Variants in DNAJC3 observed in about 807,000 individuals in gnomAD.
The protein encoded by DNAJC3 is dnaJ homolog subfamily C member 3.
Under a neutral mutation model 68.6 loss-of-function variants are expected in DNAJC3, and 38 were observed. The ratio of observed to expected loss-of-function variants is 0.55; its 90% confidence interval spans 0.43 to 0.73. The LOEUF is 0.73. Ranked by LOEUF, DNAJC3 falls within the 30% of genes least tolerant of loss-of-function variation. The pLI is 0.00. For synonymous variants in DNAJC3, 203 were observed against 204.0 expected (o/e 1.00, Z 0.04); for missense variants, 526 against 591.9 (o/e 0.89, Z 1.16).
chr13:95,709,132 TG>T, intron 1 of DNAJC3, 94 bp from the exon 2 acceptor site: 2 of 860,570 alleles, frequency 2.3e-6, no homozygotes, highest in Non-Finnish European at 3.3e-6. Context: ...TCTGAGTAGA[TG>T]ACTGAGACAG....
At chr13:95,707,282 A>C (rs1000820361) in intron 1 of DNAJC3, among the ~76,000 whole-genome samples, 1 of 152,112 alleles carries the variant, frequency 6.6e-6, no homozygotes, top group Non-Finnish European at 1.5e-5. Flanking sequence ...CTAACAGGCC[A>C]TGGACTGGTA....
chr13:95,690,674 C>A (rs528126764), intron 1 of DNAJC3, among the ~76,000 whole-genome samples: 53 of 138,746 alleles, frequency 3.8e-4, no homozygotes, highest in African/African-American at 1.3e-3. Flanking sequence ...CTGACCCCCC[C>A]ACCTCCCTCC....
chr13:95,784,159 G>A (rs1187577974), intron 9 of DNAJC3, among the ~76,000 whole-genome samples: 1 of 152,168 alleles, frequency 6.6e-6, no homozygotes, highest in African/African-American at 2.4e-5. Context: ...TTATCCTAGT[G>A]AAATGCATTT....
chr13:95,769,636 A>G (rs2139683137), intron 9 of DNAJC3, among the ~76,000 whole-genome samples: 1 of 152,344 alleles, frequency 6.6e-6, no homozygotes. Context: ...CTTTGCAAAG[A>G]CAGTCAGTGG....
In DNAJC3 at chr13:95,677,283, C is replaced by T; in HGVS notation, c.28C>T (p.Arg10Trp). MVAPGSVTSRLGSVFPFLLV... is the reference protein window; with the variant it reads MVAPGSVTSWLGSVFPFLLV... Reference sequence around the variant, plus strand: ...GGTGGCCCCCGGCTCCGTGACCAGCCGGCTGGGCTCGGTATTCCCCTTCCT... The same window carrying T: ...GGTGGCCCCCGGCTCCGTGACCAGCTGGCTGGGCTCGGTATTCCCCTTCCT... The change falls in exon 1 of 12, where the codon CGG (arginine) becomes TGG (tryptophan). Residue 10 changes from arginine to tryptophan, a missense_variant. Arg to Trp is a moderately radical substitution (Grantham distance 101, BLOSUM62 -3). Transcript: ENST00000602402. The T allele has an allele frequency of 1.9e-6, 3 of 1,601,794 alleles. No individual in the cohort carries two copies. The highest frequency in any genetic ancestry group is 1.7e-4 in the Middle Eastern group (1 of 6,022).
At chr13:95,752,205 CATT>C (rs17883730) in intron 4 of DNAJC3, among the ~76,000 whole-genome samples, 2,594 of 152,206 alleles carry the variant, frequency 0.017, 74 homozygotes, top group African/African-American at 0.06. Context: ...CTCAGGATCT[CATT>C]ATAGTGTTAA....
At chr13:95,764,989 G>T (rs886324883) in intron 9 of DNAJC3, among the ~76,000 whole-genome samples, 1 of 151,874 alleles carries the variant, frequency 6.6e-6, no homozygotes, top group African/African-American at 2.4e-5. Flanking sequence ...AGGCAAAACT[G>T]GTCAATCTCT....
Position 95,709,272 on chromosome 13 carries a change from T to A in DNAJC3, c.128T>A (p.Leu43Ter). The A allele has an allele frequency of 1.3e-6, 2 of 1,588,162 alleles. No individual in the cohort carries two copies. Among genetic ancestry groups the A allele is most frequent in the Non-Finnish European group, 1.7e-6 (2 of 1,167,902 alleles). ...GCAGATGTTGAGAAACATCTTGAAT[T>A]GGGCAAGAAATTACTTGCAGCTGGA... ...VNADVEKHLE[L>*]GKKLLAAGQL... The change falls in exon 2 of 12, where the codon TTG becomes TAG. Residue 43 changes from leucine (L) to a stop codon, truncating the protein, a stop_gained. Transcript: ENST00000602402. LOFTEE classifies it high-confidence loss of function.
intron 4 of DNAJC3, among the ~76,000 whole-genome samples, chr13:95,739,157 T>G (rs1170561573): frequency 1.3e-5 from 2 of 152,222 alleles, no homozygotes; most frequent in Admixed American, 1.3e-4. Flanking sequence ...TGGCCCCCAC[T>G]CTCTTCTGGC....
intron 11 of DNAJC3, among the ~76,000 whole-genome samples, chr13:95,790,309 T>G (rs1229521624): frequency 1.3e-5 from 2 of 152,230 alleles, no homozygotes; most frequent in Admixed American, 1.3e-4. Flanking sequence ...TGTCTCTGCA[T>G]TGATCTCTCT....
chr13:95,789,949 T>C (rs1883716928), intron 11 of DNAJC3, among the ~76,000 whole-genome samples: 2 of 152,252 alleles, frequency 1.3e-5, no homozygotes. Context: ...TGTCTGTTCA[T>C]GTCCTTTGCC....
At chr13:95,733,280 C>T (rs2139650149) in intron 4 of DNAJC3, among the ~76,000 whole-genome samples, 1 of 152,208 alleles carries the variant, frequency 6.6e-6, no homozygotes, top group South Asian at 2.1e-4. Flanking sequence ...CCTTTTATAT[C>T]TAATAATATT....
At chr13:95,725,296 G>A in intron 4 of DNAJC3, 44 bp downstream of exon 4, 1 of 1,450,742 alleles carries the variant, frequency 6.9e-7, no homozygotes, top group Middle Eastern at 1.8e-4. Flanking sequence ...GTTATTTTGA[G>A]AGAACGTATT....
intron 2 of DNAJC3, among the ~76,000 whole-genome samples, chr13:95,710,299 T>TGTGATTATG (rs1287499033): frequency 6.6e-6 from 1 of 150,486 alleles, no homozygotes; most frequent in Non-Finnish European, 1.5e-5. Flanking sequence ...AGTGCATTGG[T>TGTGATTATG]GTGATTATGG....
chr13:95,759,270 A>G (rs1882752050), intron 5 of DNAJC3, among the ~76,000 whole-genome samples: 1 of 151,930 alleles, frequency 6.6e-6, no homozygotes, highest in African/African-American at 2.4e-5. Flanking sequence ...TGATATGAGG[A>G]TTTACTTTTA....
intron 4 of DNAJC3, among the ~76,000 whole-genome samples, chr13:95,733,600 A>T (rs1010591868): frequency 4.0e-5 from 6 of 150,450 alleles, no homozygotes; most frequent in Non-Finnish European, 7.4e-5. Flanking sequence ...GGGTTTTGCC[A>T]TTTTGGCCAG....
At position 95,792,491 on chromosome 13, in the gene DNAJC3, G is replaced by C. The variant is rs1346749821; in HGVS notation, c.*1461G>C. The C allele has an allele frequency of 6.6e-6, 1 of 152,132 alleles. No individual in the cohort carries two copies. Among genetic ancestry groups the C allele is most frequent in the African/African-American group, 2.4e-5 (1 of 41,418 alleles). The allele number at this position is 152,132 out of a possible 1,614,324, so 9.4% of individuals were successfully genotyped here. On this transcript the variant is annotated 3_prime_UTR_variant, in exon 12 of 12. Coordinates refer to ENST00000602402, the MANE Select transcript of DNAJC3 (RefSeq NM_006260.5). The stretch of plus-strand genomic sequence containing the variant: ...ATGAAATCAAGCATTTTAATTCACT[G>C]TGGGAGGCATCCTGACCACGGACAT...
At chr13:95,778,879 TTTATGTA>T (rs976542639) in intron 9 of DNAJC3, among the ~76,000 whole-genome samples, 16 of 152,192 alleles carry the variant, frequency 1.1e-4, no homozygotes, top group Non-Finnish European at 1.5e-5. Flanking sequence ...TTAGTTTTTA[TTTATGTA>T]TTATAATTTT....
At chr13:95,764,371 CTCTCTA>C (rs1237754586) in intron 9 of DNAJC3, among the ~76,000 whole-genome samples, 76 of 132,748 alleles carry the variant, frequency 5.7e-4, no homozygotes, top group Middle Eastern at 3.9e-3. Flanking sequence ...CTCTCTCTCT[CTCTCTA>C]TATATATATA....
Sources: allele counts gnomAD v4.1 joint callset (sites outside exome capture counted in the v4.1 genomes callset), GRCh38; gene constraint gnomAD v4.1.1; transcripts MANE v1.5; gene names NCBI Gene and HGNC (gene_info 2026-07-23, HGNC 2026-07-21).